The following SLC4A10 variants were observed in gnomAD, a reference collection of about 807,000 sequenced individuals.
SLC4A10 encodes the protein sodium-driven chloride bicarbonate exchanger.
In SLC4A10, 42 loss-of-function variants were observed where a neutral mutation model predicts 137.7. The observed-to-expected ratio is 0.30, with a 90% confidence interval of 0.24 to 0.39. The LOEUF is 0.39. Among genes scored for constraint, SLC4A10 ranks in the 10% least tolerant of loss-of-function variants. The pLI is 1.00. For synonymous variants in SLC4A10, 474 were observed against 464.1 expected (o/e 1.02, Z -0.27); for missense variants, 925 against 1,355.0 (o/e 0.68, Z 4.98).
chr2:161,756,508 A>G (rs1282783351), intron 1 of SLC4A10, among the ~76,000 whole-genome samples: 1 of 152,126 alleles, frequency 6.6e-6, no homozygotes, highest in African/African-American at 2.4e-5. Context: ...CATTTTTAGG[A>G]TGAGTCAGGA....
chr2:161,778,111 C>G (rs2052595897), intron 2 of SLC4A10, among the ~76,000 whole-genome samples: 1 of 151,918 alleles, frequency 6.6e-6, no homozygotes, highest in Non-Finnish European at 1.5e-5. Flanking sequence ...AGTCTGAGAA[C>G]ATAGAAGTAG....
At chr2:161,831,013 CAG>C (rs2125739055) in intron 3 of SLC4A10, among the ~76,000 whole-genome samples, 1 of 152,124 alleles carries the variant, frequency 6.6e-6, no homozygotes, top group South Asian at 2.1e-4. Flanking sequence ...TACATTTAAG[CAG>C]AGAGTAGATG....
In SLC4A10 at chr2:161,905,648, T is replaced by C. The variant is rs772222578; in HGVS notation, c.1758T>C (p.Tyr586=). 1 of 1,600,178 alleles carries C rather than the reference T, an allele frequency of 6.2e-7. No individual in the cohort carries two copies. The highest frequency in any genetic ancestry group is 8.5e-7 in the Non-Finnish European group (1 of 1,173,810). ...TTCCTTTTCCTCCTCCCAGAGAATA[T>C]GGGCTGTCATACCTATCTTTAAGAG... ...EKILFKFCKE[Y]GLSYLSLRAS... Residue 586 remains tyrosine (Y), a synonymous_variant, in exon 15 of 27, where the codon TAT becomes TAC. Transcript: ENST00000446997.
At chr2:161,715,793 A>C (rs777209235) in intron 1 of SLC4A10, among the ~76,000 whole-genome samples, 2 of 152,118 alleles carry the variant, frequency 1.3e-5, no homozygotes, top group Non-Finnish European at 2.9e-5. Flanking sequence ...ATAGTGCTGC[A>C]ATGAATATAC....
chr2:161,881,423 A>G (rs2061771754), intron 9 of SLC4A10, among the ~76,000 whole-genome samples: 1 of 152,020 alleles, frequency 6.6e-6, no homozygotes, highest in African/African-American at 2.4e-5. Flanking sequence ...CACAAAAAAT[A>G]TTGTCATATC....
At chr2:161,854,755 T>C (rs1318971410) in intron 4 of SLC4A10, among the ~76,000 whole-genome samples, 3 of 152,180 alleles carry the variant, frequency 2.0e-5, no homozygotes, top group Non-Finnish European at 4.4e-5. Context: ...AGTTTTCCTT[T>C]TTTTCAATTA....
At chr2:161,790,579 C>A (rs2054091459) in intron 2 of SLC4A10, among the ~76,000 whole-genome samples, 2 of 152,082 alleles carry the variant, frequency 1.3e-5, no homozygotes, top group African/African-American at 4.8e-5. Context: ...GCCTGTTAAA[C>A]ACTGGATATT....
chr2:161,665,835 T>G (rs1046184829), intron 1 of SLC4A10, among the ~76,000 whole-genome samples: 1 of 151,006 alleles, frequency 6.6e-6, no homozygotes, highest in Non-Finnish European at 1.5e-5. Context: ...GGCCATCTTT[T>G]CAGTACAATT....
chr2:161,648,097 T>A (rs10803780), intron 1 of SLC4A10, among the ~76,000 whole-genome samples: 137,582 of 152,024 alleles, frequency 0.91, 62,361 homozygotes, highest in East Asian at 1. Flanking sequence ...AGAAAAAATT[T>A]TAAACAAAAT....
At chr2:161,949,804 A>G (rs1168386420) in intron 18 of SLC4A10, among the ~76,000 whole-genome samples, 2 of 151,858 alleles carry the variant, frequency 1.3e-5, no homozygotes, top group South Asian at 2.1e-4. Context: ...TTTATGTTTC[A>G]TATATACCTT....
chr2:161,896,095 G>T (rs1037488349), intron 11 of SLC4A10, among the ~76,000 whole-genome samples: 10 of 152,128 alleles, frequency 6.6e-5, no homozygotes, highest in Non-Finnish European at 1.3e-4. Flanking sequence ...TTTGCCTGAG[G>T]TGTAAGGAAG....
At chr2:161,982,880 C>A (rs1336180874) in intron 26 of SLC4A10, among the ~76,000 whole-genome samples, 2 of 152,110 alleles carry the variant, frequency 1.3e-5, no homozygotes, top group East Asian at 3.9e-4. Flanking sequence ...AGTCACTTGC[C>A]CAAATGAGGA....
chr2:161,833,267 C>G (rs1408258472), intron 3 of SLC4A10, among the ~76,000 whole-genome samples: 1 of 152,170 alleles, frequency 6.6e-6, no homozygotes, highest in Non-Finnish European at 1.5e-5. Flanking sequence ...AACTTGTAAT[C>G]CATCTGGAGA....
At chr2:161,672,738 C>G (rs1294471157) in intron 1 of SLC4A10, among the ~76,000 whole-genome samples, 2 of 152,072 alleles carry the variant, frequency 1.3e-5, no homozygotes, top group Non-Finnish European at 2.9e-5. Context: ...AATAATTAAT[C>G]TAATTCTGAG....
intron 23 of SLC4A10, among the ~76,000 whole-genome samples, chr2:161,965,837 C>T (rs1170254443): frequency 2.0e-5 from 3 of 151,950 alleles, no homozygotes; most frequent in Non-Finnish European, 4.4e-5. Flanking sequence ...ATTTTGAAAG[C>T]ACTTAATCAA....
intron 19 of SLC4A10, among the ~76,000 whole-genome samples, chr2:161,955,721 A>C (rs1695541320): frequency 6.6e-6 from 1 of 152,208 alleles, no homozygotes; most frequent in Non-Finnish European, 1.5e-5. Context: ...ATATGCAACA[A>C]ATACTCAGTG....
chr2:161,772,432 T>C (rs1469009083), intron 2 of SLC4A10, among the ~76,000 whole-genome samples: 2 of 151,846 alleles, frequency 1.3e-5, no homozygotes, highest in East Asian at 3.9e-4. Context: ...AGATGGTGAA[T>C]GGTCCTTTTT....
chr2:161,674,863 C>T (rs2040114376), intron 1 of SLC4A10, among the ~76,000 whole-genome samples: 1 of 152,122 alleles, frequency 6.6e-6, no homozygotes, highest in South Asian at 2.1e-4. Context: ...GAAAGACAGA[C>T]ATAAAGAACT....
chr2:161,918,492 A>G (rs1175432291), intron 15 of SLC4A10, among the ~76,000 whole-genome samples: 2 of 152,178 alleles, frequency 1.3e-5, no homozygotes, highest in African/African-American at 4.8e-5. Context: ...ATAAAAATAT[A>G]AGAATAGAGG....
Sources: allele counts gnomAD v4.1 joint callset (sites outside exome capture counted in the v4.1 genomes callset), GRCh38; gene constraint gnomAD v4.1.1; transcripts MANE v1.5; gene names NCBI Gene and HGNC (gene_info 2026-07-23, HGNC 2026-07-21).